Variants in F9 observed in about 807,000 individuals in gnomAD.
F9 encodes the protein Christmas factor.
A neutral mutation model predicts 34.1 loss-of-function variants in F9; 2 were observed. The observed-to-expected ratio is 0.06, with a 90% CI of 0.02 to 0.18. The LOEUF (loss-of-function observed/expected upper bound fraction) is 0.18, where lower values mean the gene tolerates loss of function less well. Ranked by LOEUF, F9 falls within the 10% of genes least tolerant of loss-of-function variation. The pLI is 1.00. For missense variants in F9, 216 were observed against 345.1 expected (o/e 0.63, Z 2.96); for synonymous variants, 137 against 118.8 (o/e 1.15, Z -1.00).
intron 3 of F9, among the ~76,000 whole-genome samples, chrX:139,540,045 A>T (rs1927567848): frequency 9.0e-6 from 1 of 110,828 alleles, no homozygotes; most frequent in African/African-American, 3.3e-5. Context: ...TGTTATCTTT[A>T]TCTCTTACTC....
At position 139,561,967 on chromosome X, in the gene F9, A is replaced by G; in HGVS notation, c.1282A>G (p.Ile428Val). The change falls in exon 8 of 8, where the codon ATT becomes GTT. Residue 428 changes from isoleucine (I) to valine (V), a missense_variant. Transcript: ENST00000218099. Reference sequence around the variant, plus strand: ...GGAAGGGACCAGTTTCTTAACTGGAATTATTAGCTGGGGTGAAGAGTGTGC... The same window carrying G: ...GGAAGGGACCAGTTTCTTAACTGGAGTTATTAGCTGGGGTGAAGAGTGTGC... ...EVEGTSFLTG[I>V]ISWGEECAMK... The G allele has an allele frequency of 8.3e-7, 1 of 1,211,244 alleles. No individual in the cohort carries two copies. The highest frequency in any genetic ancestry group is 2.3e-4 in the Middle Eastern group (1 of 4,353).
chrX:139,530,783 A>T lies in F9; in HGVS notation c.19A>T (p.Ile7Phe), dbSNP rs150190385. Residue 7 changes from isoleucine to phenylalanine, a missense_variant, in exon 1 of 8, where the codon ATC (isoleucine) becomes TTC (phenylalanine). Physicochemically the swap from Ile to Phe is conservative, Grantham distance 21. Around this residue, in one of 2 missense-constraint regions of F9, gnomAD observed 39 missense variants for 33.3 expected, o/e 1.17. Transcript: ENST00000218099. Reference protein sequence around the residue: MQRVNMIMAESPGLITI... With the variant: MQRVNMFMAESPGLITI... ...AAAGGTTATGCAGCGCGTGAACATG[A>T]TCATGGCAGAATCACCAGGCCTCAT... 1,538 of 1,209,789 alleles carry T rather than the reference A, an allele frequency of 1.3e-3. 2 individuals are homozygous for T. Among genetic ancestry groups the T allele is most frequent in the Non-Finnish European group, 1.6e-3 (1,437 of 894,566 alleles).
chrX:139,534,668 G>A (rs1416379873), intron 1 of F9, among the ~76,000 whole-genome samples: 2 of 112,245 alleles, frequency 1.8e-5, no homozygotes, highest in African/African-American at 6.5e-5. Context: ...AAGTACAAAG[G>A]AGGATGTGTT....
At chrX:139,537,885 G>A (rs1036104824) in intron 3 of F9, among the ~76,000 whole-genome samples, 1 of 110,992 alleles carries the variant, frequency 9.0e-6, no homozygotes, top group Admixed American at 9.6e-5. Context: ...CACACTCTAG[G>A]AATGCTCCCA....
rs760160357 is a variant in F9 at position 139,539,997 on chromosome X, C to A, written c.278-1079C>A. On this transcript the variant is annotated intron_variant, in intron 3 of 7. Transcript: ENST00000218099. ...AAATACGACTGATAATTAGAAATTTCTCAGTTTCCCCCTTTTCCCTCATTC... is the reference window on the plus strand; with the variant it reads ...AAATACGACTGATAATTAGAAATTTATCAGTTTCCCCCTTTTCCCTCATTC... 2.7e-5 allele frequency among the ~76,000 whole-genome samples: 3 copies of A among 111,570 alleles called. No homozygotes were observed. The Admixed American group carries it at 2.9e-4, about 11-fold the overall frequency.
intron 4 of F9, among the ~76,000 whole-genome samples, chrX:139,544,350 T>TTTAA (rs1213171831): frequency 0.021 from 2,337 of 110,008 alleles, 63 homozygotes; most frequent in African/African-American, 0.074. Context: ...AGAAAGGCCT[T>TTTAA]TTAATTAATT....
chrX:139,561,621 C>T lies in F9; in HGVS notation c.936C>T (p.Tyr312=), dbSNP rs748996457. The T allele has an allele frequency of 9.1e-6, 11 of 1,210,686 alleles. No individual in the cohort carries two copies. In the East Asian group the frequency reaches 3.0e-4, roughly 33 times the overall value. Residue 312 remains tyrosine, a synonymous_variant, in exon 8 of 8, where the codon TAC becomes TAT. Transcript: ENST00000218099. The part of the protein sequence containing the change: ...HHNYNAAINK[Y]NHDIALLELD... ...ACTACAATGCAGCTATTAATAAGTA[C>T]AACCATGACATTGCCCTTCTGGAAC...
At chrX:139,554,765 C>T (rs1394074715) in intron 6 of F9, among the ~76,000 whole-genome samples, 2 of 112,822 alleles carry the variant, frequency 1.8e-5, no homozygotes, top group African/African-American at 3.2e-5. Flanking sequence ...TTAGCAGTGT[C>T]ACCTAGAAAA....
chrX:139,549,123 G>A (rs1927784522), intron 5 of F9, among the ~76,000 whole-genome samples: 1 of 111,623 alleles, frequency 9.0e-6, no homozygotes, highest in African/African-American at 3.3e-5. Context: ...TGTTCGTATG[G>A]CTGTTATCTA....
intron 6 of F9, among the ~76,000 whole-genome samples, chrX:139,557,740 A>T (rs771072423): frequency 8.8e-6 from 1 of 113,042 alleles, no homozygotes; most frequent in East Asian, 2.8e-4. Context: ...ATTGATGCTG[A>T]CAATCAATTG....
intron 4 of F9, among the ~76,000 whole-genome samples, chrX:139,543,148 G>GA (rs1261445360): frequency 8.3e-5 from 9 of 108,929 alleles, no homozygotes; most frequent in Non-Finnish European, 1.1e-4. Flanking sequence ...ATAAGGTCTT[G>GA]AAAAAAAGAA....
intron 6 of F9, among the ~76,000 whole-genome samples, chrX:139,555,472 G>T (rs974345226): frequency 8.8e-6 from 1 of 113,066 alleles, no homozygotes; most frequent in East Asian, 2.8e-4. Flanking sequence ...CTATGGTTCC[G>T]GAACGGCGCT....
chrX:139,551,295 G>C (rs1569330676), intron 6 of F9, 31 bp downstream of exon 6: 2 of 1,148,473 alleles, frequency 1.7e-6, no homozygotes, highest in Non-Finnish European at 2.4e-6. Context: ...GTCAAAACTG[G>C]AGCTCAGCTG....
intron 4 of F9, among the ~76,000 whole-genome samples, chrX:139,542,970 A>G (rs922392448): frequency 5.4e-5 from 6 of 111,330 alleles, no homozygotes; most frequent in Admixed American, 9.6e-5. Context: ...CTCACAAACA[A>G]AATGAGAATT....
intron 1 of F9, among the ~76,000 whole-genome samples, chrX:139,533,201 G>A (rs1334573185): frequency 1.8e-5 from 2 of 112,182 alleles, no homozygotes; most frequent in Non-Finnish European, 3.8e-5. Flanking sequence ...AGGGGAAATG[G>A]CTAGAGTCTT....
At position 139,551,172 on chromosome X, in the gene F9, T is replaced by C; in HGVS notation, c.631T>C (p.Leu211=). Residue 211 remains leucine (L), a synonymous_variant, in exon 6 of 8, where the codon TTG becomes CTG. Coordinates refer to ENST00000218099, the MANE Select transcript of F9 (RefSeq NM_000133.4). ...AAATTCTACTGAAGCTGAAACCATTTTGGATAACATCACTCAAAGCACCCA... is the reference window on the plus strand; with the variant it reads ...AAATTCTACTGAAGCTGAAACCATTCTGGATAACATCACTCAAAGCACCCA... ...YVNSTEAETI[L]DNITQSTQSF... is the part of the protein sequence containing the mutation. 8.3e-7 allele frequency: 1 copy of C among 1,211,154 alleles called. No homozygotes were observed. Among genetic ancestry groups the C allele is most frequent in the Non-Finnish European group, 1.1e-6 (1 of 895,079 alleles).
intron 6 of F9, among the ~76,000 whole-genome samples, chrX:139,551,834 G>T (rs748443172): frequency 1.8e-5 from 2 of 111,233 alleles, no homozygotes; most frequent in Non-Finnish European, 3.8e-5. Flanking sequence ...GAATATCTAG[G>T]GGGTGGGGCC....
chrX:139,556,362 C>A (rs1927967879), intron 6 of F9, among the ~76,000 whole-genome samples: 1 of 111,825 alleles, frequency 8.9e-6, no homozygotes, highest in African/African-American at 3.3e-5. Flanking sequence ...TCCCCAGTCT[C>A]CATCCACTTT....
intron 1 of F9, among the ~76,000 whole-genome samples, chrX:139,534,488 T>G (rs1927410395): frequency 9.0e-6 from 1 of 111,645 alleles, no homozygotes; most frequent in African/African-American, 3.3e-5. Context: ...AGCCACAGAT[T>G]CAATTAACTG....
Sources: allele counts gnomAD v4.1 joint callset (sites outside exome capture counted in the v4.1 genomes callset), GRCh38; gene constraint gnomAD v4.1.1; regional missense constraint gnomAD v4.1.1; transcripts MANE v1.5; gene names NCBI Gene and HGNC (gene_info 2026-07-23, HGNC 2026-07-21).